The following PCCA variants were observed in gnomAD, a reference collection of about 807,000 sequenced individuals.
PCCA encodes propionyl-CoA carboxylase alpha chain, mitochondrial.
In PCCA, 74 loss-of-function variants were observed where a neutral mutation model predicts 101.3. The ratio of observed to expected loss-of-function variants is 0.73; its 90% CI spans 0.61 to 0.89. The LOEUF is 0.89. PCCA is among the 40% of genes least tolerant of loss of function. PCCA has a pLI of 0.00. For missense variants in PCCA, 891 were observed against 907.0 expected, an observed-to-expected ratio of 0.98 and a Z score of 0.23; for synonymous variants, 294 against 313.6, an observed-to-expected ratio of 0.94 and a Z score of 0.66.
chr13:100,384,385 G>A (rs747022114), intron 19 of PCCA, among the ~76,000 whole-genome samples: 9 of 152,150 alleles, frequency 5.9e-5, no homozygotes, highest in Non-Finnish European at 8.8e-5. Context: ...TCATAAAAAT[G>A]AAAAATTCGA....
intron 12 of PCCA, among the ~76,000 whole-genome samples, chr13:100,281,225 CAT>C (rs1484630245): frequency 6.6e-6 from 1 of 152,146 alleles, no homozygotes; most frequent in Non-Finnish European, 1.5e-5. Flanking sequence ...AGAAAAGAGT[CAT>C]GTGCTGAGGT....
chr13:100,135,024 C>G (rs1371790809), intron 4 of PCCA, among the ~76,000 whole-genome samples: 1 of 149,358 alleles, frequency 6.7e-6, no homozygotes, highest in South Asian at 2.2e-4. Context: ...ACTGTAGGTA[C>G]ATGCCACCAT....
At chr13:100,452,968 C>A (rs1488446816) in intron 21 of PCCA, among the ~76,000 whole-genome samples, 1 of 152,094 alleles carries the variant, frequency 6.6e-6, no homozygotes. Flanking sequence ...CTTTGGGAGG[C>A]TGAGGTAGGA....
intron 8 of PCCA, among the ~76,000 whole-genome samples, chr13:100,256,759 T>C (rs183961872): frequency 6.6e-6 from 1 of 152,266 alleles, no homozygotes; most frequent in East Asian, 1.9e-4. Context: ...TCAGAAAAGA[T>C]CATAAACAAA....
intron 4 of PCCA, among the ~76,000 whole-genome samples, chr13:100,140,075 A>G (rs765118805): frequency 1.3e-4 from 20 of 152,272 alleles, no homozygotes; most frequent in Non-Finnish European, 2.4e-4. Flanking sequence ...CCTAGGGATG[A>G]GCTCAGAAGT....
intron 20 of PCCA, among the ~76,000 whole-genome samples, chr13:100,446,330 C>T (rs1482925239): frequency 6.6e-6 from 1 of 152,098 alleles, no homozygotes; most frequent in Non-Finnish European, 1.5e-5. Context: ...GCACCCTGCC[C>T]CTGTTTGTTT....
intron 21 of PCCA, among the ~76,000 whole-genome samples, chr13:100,460,967 T>C (rs1185163513): frequency 6.6e-6 from 1 of 152,182 alleles, no homozygotes; most frequent in African/African-American, 2.4e-5. Flanking sequence ...ATTAAAGAAC[T>C]TTGGGGAACT....
At chr13:100,376,753 G>T (rs1194659136) in intron 19 of PCCA, among the ~76,000 whole-genome samples, 2 of 152,188 alleles carry the variant, frequency 1.3e-5, no homozygotes, top group African/African-American at 4.8e-5. Flanking sequence ...CGTGGGGCTG[G>T]GATCCGCTGA....
At chr13:100,197,993 A>G (rs578226889) in intron 6 of PCCA, among the ~76,000 whole-genome samples, 2 of 152,380 alleles carry the variant, frequency 1.3e-5, no homozygotes, top group Non-Finnish European at 2.9e-5. Flanking sequence ...TACATTCGTT[A>G]AGAAATCTGT....
At chr13:100,434,073 C>G (rs1044299034) in intron 20 of PCCA, among the ~76,000 whole-genome samples, 5 of 152,190 alleles carry the variant, frequency 3.3e-5, no homozygotes, top group Admixed American at 2.0e-4. Flanking sequence ...CTCTCTTGTA[C>G]TATTTCTTCC....
At chr13:100,249,632 T>C (rs1447606580) in intron 8 of PCCA, among the ~76,000 whole-genome samples, 1 of 152,218 alleles carries the variant, frequency 6.6e-6, no homozygotes, top group African/African-American at 2.4e-5. Flanking sequence ...AGGACTTTGA[T>C]TTTAATTGTG....
chr13:100,523,498 G>A (rs1408158459), intron 22 of PCCA, among the ~76,000 whole-genome samples: 1 of 152,148 alleles, frequency 6.6e-6, no homozygotes, highest in African/African-American at 2.4e-5. Context: ...ATCATCAGCT[G>A]GAGGTGTCTG....
intron 4 of PCCA, chr13:100,150,336 G>C (rs1016546424): frequency 5.5e-6 from 1 of 182,382 alleles, no homozygotes; most frequent in Non-Finnish European, 1.1e-5. Context: ...CTGGCTGCAG[G>C]CATACTTTTT....
chr13:100,409,278 T>C (rs1377119424), intron 19 of PCCA, among the ~76,000 whole-genome samples: 1 of 152,176 alleles, frequency 6.6e-6, no homozygotes, highest in Non-Finnish European at 1.5e-5. Flanking sequence ...TGAGTCCCCA[T>C]TTCACTCACT....
chr13:100,412,060 G>T (rs555286705), intron 19 of PCCA, among the ~76,000 whole-genome samples: 1 of 152,270 alleles, frequency 6.6e-6, no homozygotes, highest in African/African-American at 2.4e-5. Context: ...ACATTATTAG[G>T]GCTATTAGAA....
intron 18 of PCCA, among the ~76,000 whole-genome samples, chr13:100,351,563 A>G (rs1442199833): frequency 6.6e-6 from 1 of 152,160 alleles, no homozygotes; most frequent in Non-Finnish European, 1.5e-5. Context: ...ATTTGTATAT[A>G]TGAAGACCAT....
At chr13:100,355,025 G>T (rs1336430721) in intron 18 of PCCA, among the ~76,000 whole-genome samples, 1 of 152,102 alleles carries the variant, frequency 6.6e-6, no homozygotes, top group Non-Finnish European at 1.5e-5. Context: ...ACTAAAGGCT[G>T]ATATCCTTCT....
At position 100,504,803 on chromosome 13, in the gene PCCA, C is replaced by T. The variant is rs547839819; in HGVS notation, c.1900-10624C>T. On this transcript the variant is annotated intron_variant, in intron 21 of 23. Coordinates refer to ENST00000376285, the MANE Select transcript of PCCA (RefSeq NM_000282.4). The stretch of plus-strand genomic sequence containing the variant: ...TACAAAATAGCTGGGTGTGGTGGAA[C>T]GTGCCTGTAGTCCCAACTACTCGGG... 9.9e-5 allele frequency among the ~76,000 whole-genome samples: 15 copies of T among 152,202 alleles called. No homozygotes were observed. In the South Asian group the frequency reaches 2.9e-3, roughly 29 times the overall value.
intron 17 of PCCA, among the ~76,000 whole-genome samples, chr13:100,334,426 G>A (rs961697991): frequency 1.3e-5 from 2 of 152,188 alleles, no homozygotes; most frequent in African/African-American, 2.4e-5. Flanking sequence ...ATATTGAGCA[G>A]AGTCCCTGAT....
Sources: gnomAD v4.1 joint callset for allele counts (sites outside exome capture counted in the v4.1 genomes callset) on GRCh38, gnomAD v4.1.1 for gene constraint, MANE v1.5 for transcripts, NCBI Gene and HGNC (gene_info 2026-07-23, HGNC 2026-07-21) for gene names.